STK32C: variants seen among roughly 807,000 people sequenced by gnomAD.
STK32C encodes serine/threonine kinase 32C.
In STK32C, 31 loss-of-function variants were observed where a neutral mutation model predicts 56.5. The ratio of observed to expected loss-of-function variants is 0.55; its 90% CI spans 0.41 to 0.74. STK32C has a LOEUF of 0.74. Ranked by LOEUF, STK32C falls within the 30% of genes least tolerant of loss-of-function variation. The pLI, the probability that STK32C is intolerant of heterozygous loss-of-function variation, is 0.00. For missense variants in STK32C, 544 were observed against 676.9 expected (o/e 0.80, Z 2.18); for synonymous variants, 309 against 289.4 (o/e 1.07, Z -0.69).
At chr10:132,287,154 G>A (rs916146937) in intron 1 of STK32C, among the ~76,000 whole-genome samples, 1 of 152,030 alleles carries the variant, frequency 6.6e-6, no homozygotes, top group Admixed American at 6.6e-5. Flanking sequence ...AATTAAAGAC[G>A]ACCAAAATAA....
chr10:132,226,639 A>G (rs1235944515), intron 4 of STK32C, among the ~76,000 whole-genome samples, 156 bp downstream of exon 4: 1 of 152,230 alleles, frequency 6.6e-6, no homozygotes, highest in Non-Finnish European at 1.5e-5. Flanking sequence ...TGGTCGGCAC[A>G]GGTGCCACAG....
rs753895338 is a variant in STK32C at position 132,307,694 on chromosome 10, T to C, written c.140A>G (p.Asp47Gly). The part of the protein sequence containing the change: ...PPAAGQPRAR[D>G]SGDVRSQPRP... Reference sequence around the variant, plus strand: ...CGGCTGCGAGCGGACATCGCCCGAGTCCCGGGCCCGGGGCTGGCCAGCAGC... The same window carrying C: ...CGGCTGCGAGCGGACATCGCCCGAGCCCCGGGCCCGGGGCTGGCCAGCAGC... Residue 47 changes from aspartate to glycine, a missense_variant, in exon 1 of 12, where the codon GAC (aspartate) becomes GGC (glycine). Physicochemically the swap from Asp to Gly is moderately conservative, Grantham distance 94. Around this residue, in one of 3 missense-constraint regions of STK32C, gnomAD observed 182 missense variants for 217.7 expected, o/e 0.84. Coordinates refer to ENST00000298630, the MANE Select transcript of STK32C (RefSeq NM_173575.4). This position sits in a 1 kb window ranked among gnomAD's most constrained non-coding sequence, Gnocchi z 4.4. The C allele has an allele frequency of 6.8e-7, 1 of 1,475,274 alleles. No homozygotes were observed. Among genetic ancestry groups the C allele is most frequent in the Non-Finnish European group, 9.0e-7 (1 of 1,108,270 alleles). 91.4% of individuals were successfully genotyped at this position (1,475,274 alleles called of 1,614,324 possible).
At chr10:132,258,530 G>A (rs377426757) in intron 1 of STK32C, among the ~76,000 whole-genome samples, 57 of 152,278 alleles carry the variant, frequency 3.7e-4, no homozygotes, top group Admixed American at 9.2e-4. Context: ...GCGTTCTCCT[G>A]GAAGGACAGG....
intron 1 of STK32C, among the ~76,000 whole-genome samples, chr10:132,294,716 G>T (rs543431549): frequency 6.6e-6 from 1 of 152,214 alleles, no homozygotes; most frequent in East Asian, 1.9e-4. Flanking sequence ...TCTGATCCAG[G>T]CATGGGTCAG....
chr10:132,213,446 G>A (rs1254666048), intron 10 of STK32C, among the ~76,000 whole-genome samples: 2 of 152,182 alleles, frequency 1.3e-5, no homozygotes, highest in African/African-American at 4.8e-5. Context: ...AAGCCCAAGG[G>A]CAACCCGGGA....
chr10:132,312,488 T>C (rs2066240989), upstream of STK32C, among the ~76,000 whole-genome samples: 1 of 152,026 alleles, frequency 6.6e-6, no homozygotes, highest in South Asian at 2.1e-4. Flanking sequence ...AACTGGAAAA[T>C]ATGCTTCCAA....
At chr10:132,309,466 C>G (rs2066179306), upstream of STK32C, among the ~76,000 whole-genome samples, 1 of 152,220 alleles carries the variant, frequency 6.6e-6, no homozygotes, top group African/African-American at 2.4e-5. Context: ...GCAGCATAAC[C>G]TAGGTTACCT....
chr10:132,252,533 G>A (rs879304337), intron 1 of STK32C, among the ~76,000 whole-genome samples: 3 of 152,220 alleles, frequency 2.0e-5, no homozygotes, highest in Non-Finnish European at 4.4e-5. Flanking sequence ...AGAAGCAGAC[G>A]CAGCTCCCCA....
rs1296221035 is a variant in STK32C, at chr10:132,228,142, G to A, written c.319-14C>T. 1.2e-6 allele frequency: 2 copies of A among 1,613,912 alleles called. No individual in the cohort carries two copies. The highest frequency in any genetic ancestry group is 1.3e-5 in the African/African-American group (1 of 75,036). On this transcript the variant is annotated splice_polypyrimidine_tract_variant and intron_variant, in intron 2 of 11. Transcript: ENST00000298630. ...CACAATGCACACCTGGAGGGCACAG[G>A]GCTGTTCGGCAGGACGCCTGAGGAC... is the stretch of plus-strand genomic sequence containing the variant.
chr10:132,331,809 G>C (rs759428143), exon 1 of STK32C: 7 of 1,587,384 alleles, frequency 4.4e-6, no homozygotes, highest in Non-Finnish European at 6.0e-6. Context: ...CTTGCCCGTC[G>C]ACCACCACCC....
chr10:132,266,079 C>A (rs371243364), intron 1 of STK32C, among the ~76,000 whole-genome samples: 13 of 152,338 alleles, frequency 8.5e-5, no homozygotes, highest in East Asian at 7.7e-4. Context: ...ATAACCCAAA[C>A]GTCCATCAAG....
At chr10:132,326,340 ATTTTAT>A (rs1030436173) in intron 1 of STK32C, among the ~76,000 whole-genome samples, 2 of 152,076 alleles carry the variant, frequency 1.3e-5, no homozygotes, top group African/African-American at 4.8e-5. Context: ...TAAAACCTCT[ATTTTAT>A]TTTTGAGACA....
chr10:132,266,660 G>A (rs755639548), intron 1 of STK32C, among the ~76,000 whole-genome samples: 1 of 152,024 alleles, frequency 6.6e-6, no homozygotes, highest in Non-Finnish European at 1.5e-5. Context: ...CGAGCCCTGG[G>A]GGAGGAACGA....
intron 1 of STK32C, 60 bp from the exon 2 acceptor site, chr10:132,246,015 G>A: frequency 2.6e-6 from 4 of 1,525,614 alleles, no homozygotes; most frequent in Non-Finnish European, 9.1e-7. Flanking sequence ...CCCCAGAGCA[G>A]CTCCCCCACC....
At chr10:132,311,070 TG>T (rs2066210706), upstream of STK32C, among the ~76,000 whole-genome samples, 1 of 152,190 alleles carries the variant, frequency 6.6e-6, no homozygotes, top group Non-Finnish European at 1.5e-5. The surrounding 1 kb of genome is among the most constrained non-coding windows in gnomAD (Gnocchi z 4.4). Context: ...CATGTGCATT[TG>T]TTCATAATTC....
intron 2 of STK32C, among the ~76,000 whole-genome samples, chr10:132,234,722 T>A (rs1229909731): frequency 6.6e-6 from 1 of 152,182 alleles, no homozygotes; most frequent in Non-Finnish European, 1.5e-5. Flanking sequence ...CTTGCATCTC[T>A]GGCTGCCTCG....
intron 1 of STK32C, among the ~76,000 whole-genome samples, chr10:132,326,697 CA>C (rs1483624984): frequency 6.6e-6 from 1 of 152,186 alleles, no homozygotes; most frequent in Non-Finnish European, 1.5e-5. Flanking sequence ...GAGGCACGCC[CA>C]GTTCTCCACT....
chr10:132,227,234 G>A (rs1401410567), intron 3 of STK32C, among the ~76,000 whole-genome samples: 2 of 152,268 alleles, frequency 1.3e-5, no homozygotes, highest in Admixed American at 6.5e-5. Context: ...CAAATGCAGA[G>A]CAGAGCTACA....
Position 132,232,684 on chromosome 10 carries a change from C to T in STK32C, c.319-4556G>A, listed in dbSNP as rs566917977. On this transcript the variant is annotated intron_variant, in intron 2 of 11. Coordinates refer to ENST00000298630, the MANE Select transcript of STK32C (RefSeq NM_173575.4). The stretch of plus-strand genomic sequence containing the variant: ...AGAGGAACAAGCCAACCCCGGGCTC[C>T]GGAGCCCTGGGCTTTTCCTATGAAA... Among the ~76,000 whole-genome samples the T allele has an allele frequency of 2.6e-5, 4 of 152,036 alleles. No homozygotes were observed. In the East Asian group the frequency reaches 5.8e-4, roughly 22 times the overall value.
Sources: allele counts gnomAD v4.1 joint callset (sites outside exome capture counted in the v4.1 genomes callset), GRCh38; gene constraint gnomAD v4.1.1; regional missense constraint gnomAD v4.1.1; non-coding constraint Gnocchi (gnomAD v3.1); transcripts MANE v1.5; gene names NCBI Gene and HGNC (gene_info 2026-07-23, HGNC 2026-07-21).